The following SGCZ variants were observed in gnomAD, a reference collection of about 807,000 sequenced individuals.
SGCZ encodes zeta-sarcoglycan.
SGCZ carries 40 observed loss-of-function variants against 41.3 expected under a neutral mutation model. The ratio of observed to expected loss-of-function variants is 0.97; its 90% CI spans 0.75 to 1.26. The LOEUF (loss-of-function observed/expected upper bound fraction) is 1.26, where lower values mean the gene tolerates loss of function less well. Among genes scored for constraint, SGCZ ranks in the 50% most tolerant of loss-of-function variants. The probability of loss-of-function intolerance (pLI) is 0.00; values close to 1 mark genes in which losing one functional copy is unlikely to be tolerated. For missense variants in SGCZ, 552 were observed against 369.8 expected, an observed-to-expected ratio of 1.49 and a Z score of -4.04; for synonymous variants, 206 against 137.5, an observed-to-expected ratio of 1.50 and a Z score of -3.49.
chr8:14,356,390 T>G (rs1449176219), intron 2 of SGCZ, among the ~76,000 whole-genome samples: 1 of 152,038 alleles, frequency 6.6e-6, no homozygotes, highest in East Asian at 1.9e-4. Context: ...CTACCAAAAA[T>G]TCCTACATGC....
At chr8:15,046,609 G>A (rs1165937426) in intron 1 of SGCZ, among the ~76,000 whole-genome samples, 3 of 151,862 alleles carry the variant, frequency 2.0e-5, no homozygotes, top group Non-Finnish European at 2.9e-5. Flanking sequence ...TGATGCCCCA[G>A]TCCAAGAGTC....
chr8:15,189,121 C>T lies in SGCZ; in HGVS notation c.39+48464G>A, dbSNP rs940743222. Among the ~76,000 whole-genome samples the T allele has an allele frequency of 5.9e-5, 9 of 152,212 alleles. No homozygotes were observed. The East Asian group carries it at 7.7e-4, about 13-fold the overall frequency. On this transcript the variant is annotated intron_variant, in intron 1 of 7. Coordinates refer to ENST00000382080, the MANE Select transcript of SGCZ (RefSeq NM_139167.4). ...GAAGATGGCCATACTTTCACTATAACGGTTTTGCTTTGATATAGATCAATC... is the reference window on the plus strand; with the variant it reads ...GAAGATGGCCATACTTTCACTATAATGGTTTTGCTTTGATATAGATCAATC...
chr8:14,361,052 T>C (rs1803493931), intron 2 of SGCZ, among the ~76,000 whole-genome samples: 1 of 152,208 alleles, frequency 6.6e-6, no homozygotes, highest in Non-Finnish European at 1.5e-5. Context: ...GTCGAACATC[T>C]TTCCATGTGC....
chr8:15,032,533 G>C (rs1194034399), intron 1 of SGCZ, among the ~76,000 whole-genome samples: 2 of 152,008 alleles, frequency 1.3e-5, no homozygotes, highest in Non-Finnish European at 2.9e-5. Context: ...GAGCCCCCAG[G>C]TCCACCCTGG....
At chr8:14,459,256 G>A (rs1190450580) in intron 2 of SGCZ, among the ~76,000 whole-genome samples, 2 of 151,922 alleles carry the variant, frequency 1.3e-5, no homozygotes, top group Non-Finnish European at 2.9e-5. Context: ...ACCACACACC[G>A]GGGCCTGTTG....
chr8:14,932,692 G>A lies in SGCZ; in HGVS notation c.39+304893C>T, dbSNP rs144606552. Among the ~76,000 whole-genome samples, 440 of 152,106 alleles carry A rather than the reference G, an allele frequency of 2.9e-3. 7 individuals are homozygous for A. Among genetic ancestry groups the A allele is most frequent in the African/African-American group, 9.9e-3 (409 of 41,410 alleles). ...TGTAGGATTGTGGATCCAACAGAGA[G>A]CCCACATGACCTTCAAGCACATGTG... On this transcript the variant is annotated intron_variant, in intron 1 of 7. Coordinates refer to ENST00000382080, the MANE Select transcript of SGCZ (RefSeq NM_139167.4).
intron 3 of SGCZ, among the ~76,000 whole-genome samples, chr8:14,291,793 G>A (rs1490611977): frequency 6.6e-6 from 1 of 151,836 alleles, no homozygotes; most frequent in African/African-American, 2.4e-5. Context: ...GAAAACTTGG[G>A]TACAGGAGAA....
intron 1 of SGCZ, among the ~76,000 whole-genome samples, chr8:14,635,151 G>T (rs948145864): frequency 1.3e-5 from 2 of 151,464 alleles, no homozygotes; most frequent in Non-Finnish European, 3.0e-5. Context: ...CTATTCATTC[G>T]CAGCTGTCAG....
intron 1 of SGCZ, among the ~76,000 whole-genome samples, chr8:14,792,001 G>GA (rs113385269): frequency 0.011 from 1,707 of 152,192 alleles, 41 homozygotes; most frequent in African/African-American, 0.039. Context: ...TAATCCACTT[G>GA]AAAAAATCAT....
chr8:15,186,305 A>C (rs1305682440), intron 1 of SGCZ, among the ~76,000 whole-genome samples: 1 of 110,864 alleles, frequency 9.0e-6, no homozygotes, highest in African/African-American at 3.0e-5. Context: ...AAAAAAGTTA[A>C]TTTCTCTCGC....
rs528550916 is a variant in SGCZ, at chr8:14,708,397, T to C, written c.40-153471A>G. Among the ~76,000 whole-genome samples the C allele has an allele frequency of 1.8e-4, 28 of 152,132 alleles. No individual in the cohort carries two copies. The South Asian group carries it at 2.5e-3, about 14-fold the overall frequency. Reference sequence around the variant, plus strand: ...ATCATTAAAACCAATCCCAGATGAATATATTTTAAAAACAGGCAGTCACTC... The same window carrying C: ...ATCATTAAAACCAATCCCAGATGAACATATTTTAAAAACAGGCAGTCACTC... On this transcript the variant is annotated intron_variant, in intron 1 of 7. Coordinates refer to ENST00000382080, the MANE Select transcript of SGCZ (RefSeq NM_139167.4).
At chr8:15,082,468 TAA>T (rs1427904703) in intron 1 of SGCZ, among the ~76,000 whole-genome samples, 4 of 150,880 alleles carry the variant, frequency 2.7e-5, no homozygotes, top group Admixed American at 2.0e-4. Context: ...ATAAAACTGT[TAA>T]GAGAGAGAAA....
intron 1 of SGCZ, among the ~76,000 whole-genome samples, chr8:14,587,339 G>T (rs193273908): frequency 6.6e-6 from 1 of 150,836 alleles, no homozygotes; most frequent in African/African-American, 2.4e-5. Context: ...CCACGAATGT[G>T]TTAATATGAA....
chr8:14,581,139 G>C (rs550190223), intron 1 of SGCZ, among the ~76,000 whole-genome samples: 1 of 151,990 alleles, frequency 6.6e-6, no homozygotes, highest in African/African-American at 2.4e-5. Flanking sequence ...ACAGTGTCTC[G>C]TTCTGTCACC....
chr8:14,338,507 C>T (rs978736038), intron 2 of SGCZ, among the ~76,000 whole-genome samples: 7 of 152,130 alleles, frequency 4.6e-5, no homozygotes, highest in East Asian at 1.9e-4. Flanking sequence ...GGTGCTTATT[C>T]GAGGTTGCAA....
intron 2 of SGCZ, among the ~76,000 whole-genome samples, chr8:14,485,447 AG>A (rs1283076771): frequency 6.6e-6 from 1 of 152,210 alleles, no homozygotes; most frequent in East Asian, 1.9e-4. Context: ...CTTGTTAGCC[AG>A]GATGGTCTTG....
chr8:14,102,080 A>ATATATATATATATATATATAACTAACTT (rs1802041393), intron 7 of SGCZ, among the ~76,000 whole-genome samples: 2 of 89,814 alleles, frequency 2.2e-5, no homozygotes, highest in Non-Finnish European at 4.2e-5. Context: ...CTAACTTTAT[A>ATATATATATATATATATATAACTAACTT]TATATATATA....
intron 5 of SGCZ, among the ~76,000 whole-genome samples, chr8:14,149,975 C>T (rs1381252754): frequency 2.6e-5 from 4 of 152,028 alleles, no homozygotes; most frequent in Non-Finnish European, 4.4e-5. Context: ...TATCCATACA[C>T]CAAAGAATGA....
chr8:14,310,970 A>G (rs941868498), intron 3 of SGCZ, among the ~76,000 whole-genome samples: 1 of 152,106 alleles, frequency 6.6e-6, no homozygotes, highest in African/African-American at 2.4e-5. Flanking sequence ...GAACACACTT[A>G]AGGGTATGCT....
Sources: allele counts gnomAD v4.1 joint callset (sites outside exome capture counted in the v4.1 genomes callset), GRCh38; gene constraint gnomAD v4.1.1; transcripts MANE v1.5; gene names NCBI Gene and HGNC (gene_info 2026-07-23, HGNC 2026-07-21).